CLVS2: variants seen among roughly 807,000 people sequenced by gnomAD.
CLVS2 encodes the protein clavesin 2, also known as clavesin-2.
CLVS2 carries 19 observed loss-of-function variants against 29.0 expected under a neutral mutation model. The observed-to-expected ratio is 0.66, with a 90% CI of 0.46 to 0.96. The LOEUF (loss-of-function observed/expected upper bound fraction) is 0.96, where lower values mean the gene tolerates loss of function less well. Ranked by LOEUF, CLVS2 falls within the 40% of genes least tolerant of loss-of-function variation. The pLI is 0.00. For synonymous variants in CLVS2, 161 were observed against 151.3 expected, an observed-to-expected ratio of 1.06 and a Z score of -0.47; for missense variants, 294 against 404.1, an observed-to-expected ratio of 0.73 and a Z score of 2.34.
chr6:123,055,706 C>T, intron 4 of CLVS2, 100 bp from the exon 5 acceptor site: 2 of 815,190 alleles, frequency 2.5e-6, no homozygotes, highest in South Asian at 3.0e-5. Flanking sequence ...ATGCGAAACT[C>T]ATATTTGCTA....
rs1464718225 is a variant in CLVS2, at chr6:123,070,184, T to C, written c.*6423T>C. The C allele has an allele frequency of 6.6e-6, 1 of 151,992 alleles. No homozygotes were observed. The highest frequency in any genetic ancestry group is 1.5e-5 in the Non-Finnish European group (1 of 67,918). The allele number at this position is 151,992 out of a possible 1,614,324, so 9.4% of individuals were successfully genotyped here. ...CTAACAATTTTAATTGGATGGCTAA[T>C]GGATATGGCGGATTTAACATTTACA... On this transcript the variant is annotated 3_prime_UTR_variant, in exon 6 of 6. Coordinates refer to ENST00000275162, the MANE Select transcript of CLVS2 (RefSeq NM_001010852.4).
chr6:123,020,700 C>T (rs752299978), intron 3 of CLVS2, among the ~76,000 whole-genome samples: 7 of 151,894 alleles, frequency 4.6e-5, no homozygotes, highest in Non-Finnish European at 5.9e-5. Context: ...TAGCCACATA[C>T]TGAAAACATG....
In CLVS2 at chr6:123,071,497, AG is replaced by A. The variant is rs1772947931; in HGVS notation, c.*7740del. 6.6e-6 allele frequency: 1 copy of A among 152,000 alleles called. No individual in the cohort carries two copies. The highest frequency in any genetic ancestry group is 2.1e-4 in the South Asian group (1 of 4,826). 9.4% of individuals were successfully genotyped at this position (152,000 alleles called of 1,614,324 possible). A position where few individuals can be genotyped will look rare whatever the true frequency, so the allele number is the denominator to read the frequency against. Reference sequence around the variant, plus strand: ...TCTTGGAGAGACTACAAGATAGCTCAGGGGAAAAGTCATTTTGAGATTAAAA... The same window carrying A: ...TCTTGGAGAGACTACAAGATAGCTCAGGGAAAAGTCATTTTGAGATTAAAA... On this transcript the variant is annotated 3_prime_UTR_variant, in exon 6 of 6. Transcript: ENST00000275162.
chr6:123,060,263 G>A (rs748045159), intron 5 of CLVS2, among the ~76,000 whole-genome samples: 3 of 152,178 alleles, frequency 2.0e-5, no homozygotes, highest in Non-Finnish European at 2.9e-5. Flanking sequence ...TTCTGGAGGA[G>A]AAGCATAGTC....
intron 2 of CLVS2, among the ~76,000 whole-genome samples, chr6:123,007,209 C>A (rs1419985848): frequency 6.6e-6 from 1 of 152,138 alleles, no homozygotes; most frequent in East Asian, 1.9e-4. Flanking sequence ...TTGTAGAAGT[C>A]ATAGAAGTTA....
In CLVS2 at chr6:123,067,581, C is replaced by G. The variant is rs532894792; in HGVS notation, c.*3820C>G. On this transcript the variant is annotated 3_prime_UTR_variant, in exon 6 of 6. Transcript: ENST00000275162. ...GGACACTTCAAAAATTTTCAACACACTAAATAAAATGAGCAGAGCTCTAGC... is the reference window on the plus strand; with the variant it reads ...GGACACTTCAAAAATTTTCAACACAGTAAATAAAATGAGCAGAGCTCTAGC... 6.6e-6 allele frequency: 1 copy of G among 151,818 alleles called. No individual in the cohort carries two copies. Among genetic ancestry groups the G allele is most frequent in the Admixed American group, 6.6e-5 (1 of 15,200 alleles). 9.4% of individuals were successfully genotyped at this position (151,818 alleles called of 1,614,324 possible). A position where few individuals can be genotyped will look rare whatever the true frequency, so the allele number is the denominator to read the frequency against.
rs1180172922 is a variant in CLVS2, at chr6:123,065,546, G to C, written c.*1785G>C. 2 of 151,842 alleles carry C rather than the reference G, an allele frequency of 1.3e-5. No homozygotes were observed. Among genetic ancestry groups the C allele is most frequent in the African/African-American group, 4.8e-5 (2 of 41,418 alleles). The allele number at this position is 151,842 out of a possible 1,614,324, so 9.4% of individuals were successfully genotyped here. ...AGTCAAGTGCAGAAGAATAATGACT[G>C]TCAGGCACTCTGCTCTCCTTGTGAC... On this transcript the variant is annotated 3_prime_UTR_variant, in exon 6 of 6. Coordinates refer to ENST00000275162, the MANE Select transcript of CLVS2 (RefSeq NM_001010852.4).
At chr6:123,054,947 G>A (rs927408052) in intron 4 of CLVS2, among the ~76,000 whole-genome samples, 8 of 152,030 alleles carry the variant, frequency 5.3e-5, no homozygotes, top group Non-Finnish European at 8.8e-5. Flanking sequence ...GATATATAAG[G>A]ACTGGGAATT....
In CLVS2 at chr6:122,997,502, TC is replaced by T; in HGVS notation, c.-275del. 1 of 485,290 alleles carries T rather than the reference TC, an allele frequency of 2.1e-6. No individual in the cohort carries two copies. The allele number at this position is 485,290 out of a possible 1,614,324, so 30.1% of individuals were successfully genotyped here. ...GTGCGGAGCCCTTCAGGGGTTCACA[TC>T]TCTTTAAAGGAAAGGAAAGAGGGAG... On this transcript the variant is annotated 5_prime_UTR_variant, in exon 2 of 6. The change abolishes the stop of an existing upstream ORF in the 5' untranslated region. Coordinates refer to ENST00000275162, the MANE Select transcript of CLVS2 (RefSeq NM_001010852.4).
At chr6:123,056,146 A>T in intron 5 of CLVS2, 120 bp downstream of exon 5, 5 of 654,670 alleles carry the variant, frequency 7.6e-6, no homozygotes, top group Non-Finnish European at 1.1e-5. Context: ...AAAACTCTTT[A>T]TGCCCTATGA....
intron 2 of CLVS2, among the ~76,000 whole-genome samples, chr6:123,003,264 G>T (rs1436899091): frequency 6.6e-6 from 1 of 152,200 alleles, no homozygotes; most frequent in Non-Finnish European, 1.5e-5. Flanking sequence ...TTTAAAGAAG[G>T]TCGAGAAGCA....
chr6:123,068,236 T>C lies in CLVS2; in HGVS notation c.*4475T>C, dbSNP rs780435968. ...ATGATGCTATTGAAATAAAAAAATG[T>C]AGAAATCACTTAATTATAGGAGTTA... On this transcript the variant is annotated 3_prime_UTR_variant, in exon 6 of 6. Coordinates refer to ENST00000275162, the MANE Select transcript of CLVS2 (RefSeq NM_001010852.4). 1.3e-4 allele frequency: 19 copies of C among 151,596 alleles called. No individual in the cohort carries two copies. Among genetic ancestry groups the C allele is most frequent in the Non-Finnish European group, 2.5e-4 (17 of 67,658 alleles). 9.4% of individuals were successfully genotyped at this position (151,596 alleles called of 1,614,324 possible). A position where few individuals can be genotyped will look rare whatever the true frequency, so the allele number is the denominator to read the frequency against.
chr6:123,037,174 ACT>A (rs1010870196), intron 3 of CLVS2, among the ~76,000 whole-genome samples: 1 of 151,414 alleles, frequency 6.6e-6, no homozygotes, highest in Non-Finnish European at 1.5e-5. Flanking sequence ...AATTCACATC[ACT>A]CTCTCAAATA....
chr6:123,042,600 A>G (rs1205370062), intron 3 of CLVS2, among the ~76,000 whole-genome samples: 4 of 152,230 alleles, frequency 2.6e-5, no homozygotes, highest in Admixed American at 2.0e-4. Context: ...ATTACCAGTT[A>G]TAAGTGAGGC....
chr6:123,041,825 G>A (rs2114346849), intron 3 of CLVS2, among the ~76,000 whole-genome samples: 1 of 152,224 alleles, frequency 6.6e-6, no homozygotes, highest in East Asian at 1.9e-4. Flanking sequence ...GTATCTAGAT[G>A]TGAATCTAGA....
chr6:123,061,447 A>C (rs1169212007), intron 5 of CLVS2, among the ~76,000 whole-genome samples: 1 of 152,190 alleles, frequency 6.6e-6, no homozygotes, highest in Non-Finnish European at 1.5e-5. Flanking sequence ...GAGACTAAAA[A>C]AAAATTGGAC....
At chr6:123,012,479 A>G (rs2114309596) in intron 3 of CLVS2, among the ~76,000 whole-genome samples, 1 of 150,820 alleles carries the variant, frequency 6.6e-6, no homozygotes. Flanking sequence ...GAGAACTCAT[A>G]TTTTTCTTTC....
intron 3 of CLVS2, among the ~76,000 whole-genome samples, chr6:123,040,869 G>A (rs1488337324): frequency 6.6e-6 from 1 of 151,990 alleles, no homozygotes; most frequent in Non-Finnish European, 1.5e-5. Context: ...TTGTATATTT[G>A]GACTATTCAT....
chr6:123,006,425 A>G (rs950508995), intron 2 of CLVS2, among the ~76,000 whole-genome samples: 3 of 152,200 alleles, frequency 2.0e-5, no homozygotes, highest in Non-Finnish European at 4.4e-5. Context: ...AGGACAATTT[A>G]TCTCACAATA....
Sources: gnomAD v4.1 joint callset for allele counts (sites outside exome capture counted in the v4.1 genomes callset) on GRCh38, gnomAD v4.1.1 for gene constraint, MANE v1.5 for transcripts, NCBI Gene and HGNC (gene_info 2026-07-23, HGNC 2026-07-21) for gene names.